Variants in CACNG4 observed in about 807,000 individuals in gnomAD.
CACNG4 encodes voltage-dependent calcium channel gamma-4 subunit.
CACNG4 carries 8 observed loss-of-function variants against 22.9 expected under a neutral mutation model. The observed-to-expected ratio is 0.35, with a 90% confidence interval of 0.21 to 0.63. The LOEUF is 0.63. CACNG4 is among the 30% of genes least tolerant of loss of function. CACNG4 has a pLI of 0.72. For missense variants in CACNG4, 357 were observed against 455.4 expected, an observed-to-expected ratio of 0.78 and a Z score of 1.97; for synonymous variants, 188 against 191.9, an observed-to-expected ratio of 0.98 and a Z score of 0.17.
chr17:67,011,040 G>A (rs937445321), intron 1 of CACNG4, among the ~76,000 whole-genome samples: 5 of 152,204 alleles, frequency 3.3e-5, no homozygotes, highest in Admixed American at 1.3e-4. Flanking sequence ...TTGGGAGATG[G>A]CCACTTTAAA....
intron 1 of CACNG4, among the ~76,000 whole-genome samples, chr17:67,000,714 G>A (rs2035403119): frequency 6.6e-6 from 1 of 152,184 alleles, no homozygotes; most frequent in Admixed American, 6.5e-5. Flanking sequence ...CCTAAGCCAG[G>A]ACTGCTTTCG....
At chr17:66,991,427 T>C (rs575843960) in intron 1 of CACNG4, among the ~76,000 whole-genome samples, 24 of 151,928 alleles carry the variant, frequency 1.6e-4, no homozygotes, top group African/African-American at 5.8e-4. Flanking sequence ...ATAAGAGGAG[T>C]GCCCCCTCTC....
intron 1 of CACNG4, among the ~76,000 whole-genome samples, chr17:67,014,924 G>A (rs1460861878): frequency 2.1e-5 from 3 of 146,114 alleles, no homozygotes; most frequent in South Asian, 2.1e-4. Context: ...GCGACAGAGC[G>A]AGACTCCATC....
intron 1 of CACNG4, among the ~76,000 whole-genome samples, chr17:66,965,346 C>G (rs1480301173): frequency 6.6e-6 from 1 of 150,860 alleles, no homozygotes; most frequent in Admixed American, 6.6e-5. Flanking sequence ...TACATCAGCT[C>G]TGGTCCCTCT....
In CACNG4 at chr17:67,030,430, C is replaced by A; in HGVS notation, c.446-36C>A. The A allele has an allele frequency of 6.3e-7, 1 of 1,599,436 alleles. No individual in the cohort carries two copies. The highest frequency in any genetic ancestry group is 1.7e-4 in the Middle Eastern group (1 of 5,980). ...GGTCTAACCTCTGCCTCTCTCCCTC[C>A]CTGGCCCCGCTCCCCGCTCCCCGCT... On this transcript the variant is annotated intron_variant, in intron 3 of 3. Transcript: ENST00000262138. This position sits in a 1 kb window ranked among gnomAD's most constrained non-coding sequence, Gnocchi z 6.4.
intron 1 of CACNG4, among the ~76,000 whole-genome samples, chr17:66,970,343 A>C (rs1464173128): frequency 2.0e-5 from 3 of 152,162 alleles, no homozygotes; most frequent in African/African-American, 7.2e-5. Context: ...AAAATATGAT[A>C]GACTGGGTGG....
chr17:66,969,478 G>A (rs946419080), intron 1 of CACNG4, among the ~76,000 whole-genome samples: 5 of 152,232 alleles, frequency 3.3e-5, no homozygotes, highest in Admixed American at 6.5e-5. Flanking sequence ...ACTAGTGGGG[G>A]AAGTTATGGA....
intron 1 of CACNG4, among the ~76,000 whole-genome samples, chr17:66,970,439 G>C (rs942461860): frequency 2.6e-5 from 4 of 152,144 alleles, no homozygotes; most frequent in Non-Finnish European, 4.4e-5. Context: ...TCCTGGTGAG[G>C]TCCCTCTTCC....
intron 1 of CACNG4, among the ~76,000 whole-genome samples, chr17:66,974,633 G>A (rs767287279): frequency 2.6e-5 from 4 of 152,164 alleles, no homozygotes; most frequent in Non-Finnish European, 2.9e-5. Context: ...TGGAATCAGT[G>A]GTCCCTGGTG....
At chr17:66,995,272 G>T (rs1330817207) in intron 1 of CACNG4, among the ~76,000 whole-genome samples, 3 of 152,170 alleles carry the variant, frequency 2.0e-5, no homozygotes, top group African/African-American at 7.2e-5. Context: ...AGAACTGAAG[G>T]ATGTGCTATT....
chr17:66,983,562 T>G lies in CACNG4; in HGVS notation c.220+18431T>G, dbSNP rs546342596. On this transcript the variant is annotated intron_variant, in intron 1 of 3. Transcript: ENST00000262138. ...CTTGGAGGAGGTGGGCACAGCGTCG[T>G]GACCAGAACAACGCACGATGCCAGG... Among the ~76,000 whole-genome samples the G allele has an allele frequency of 1.5e-4, 23 of 152,248 alleles. No homozygotes were observed. The South Asian group carries it at 4.1e-3, about 27-fold the overall frequency.
chr17:66,989,792 C>T (rs186084632), intron 1 of CACNG4, among the ~76,000 whole-genome samples: 2 of 151,244 alleles, frequency 1.3e-5, no homozygotes, highest in Non-Finnish European at 2.9e-5. Context: ...CTCCCTGAAC[C>T]GCCCACCAAC....
intron 1 of CACNG4, among the ~76,000 whole-genome samples, chr17:67,013,135 G>T (rs986437089): frequency 2.6e-5 from 4 of 152,066 alleles, no homozygotes; most frequent in Non-Finnish European, 4.4e-5. Context: ...ATCGGGTCCT[G>T]GGGGTTGGCC....
At chr17:67,015,956 G>A (rs950052806) in intron 1 of CACNG4, among the ~76,000 whole-genome samples, 1 of 152,094 alleles carries the variant, frequency 6.6e-6, no homozygotes, top group Non-Finnish European at 1.5e-5. Context: ...GGATGTAGCC[G>A]GCCCACTCTG....
intron 1 of CACNG4, among the ~76,000 whole-genome samples, chr17:66,992,729 G>A (rs996366270): frequency 3.9e-5 from 6 of 152,234 alleles, no homozygotes; most frequent in East Asian, 3.9e-4. Flanking sequence ...TCCTAGGGCC[G>A]AGGGCCTTGG....
chr17:66,974,865 A>G (rs1046680096), intron 1 of CACNG4, among the ~76,000 whole-genome samples: 6 of 152,034 alleles, frequency 3.9e-5, no homozygotes, highest in African/African-American at 1.4e-4. Context: ...CCATTAGTCC[A>G]CGTGGAAGCC....
In CACNG4 at chr17:67,011,468, A is replaced by C. The variant is rs117686477; in HGVS notation, c.221-6721A>C. On this transcript the variant is annotated intron_variant, in intron 1 of 3. Coordinates refer to ENST00000262138, the MANE Select transcript of CACNG4 (RefSeq NM_014405.4). ...TTCACTCATGGCGCCACCTAAAATG[A>C]TGCTGATATTCATTTATTTTATCTT... Among the ~76,000 whole-genome samples the C allele has an allele frequency of 9.9e-3, 1,511 of 152,270 alleles. 8 individuals are homozygous for C. Among genetic ancestry groups the C allele is most frequent in the Non-Finnish European group, 0.014 (981 of 68,038 alleles).
At chr17:67,013,454 A>G (rs2035479251) in intron 1 of CACNG4, among the ~76,000 whole-genome samples, 1 of 152,202 alleles carries the variant, frequency 6.6e-6, no homozygotes, top group South Asian at 2.1e-4. Context: ...CAGAAATAAA[A>G]CACTGGACAC....
At chr17:67,023,592 A>G (rs1391681671) in intron 2 of CACNG4, among the ~76,000 whole-genome samples, 2 of 103,130 alleles carry the variant, frequency 1.9e-5, no homozygotes, top group Non-Finnish European at 3.9e-5. Context: ...TTTTTTTAAG[A>G]CAGAATGTCA....
Sources: gnomAD v4.1 joint callset for allele counts (sites outside exome capture counted in the v4.1 genomes callset) on GRCh38, gnomAD v4.1.1 for gene constraint, Gnocchi (gnomAD v3.1) non-coding constraint, MANE v1.5 for transcripts, NCBI Gene and HGNC (gene_info 2026-07-23, HGNC 2026-07-21) for gene names.